Variants in KLC4 observed in about 807,000 individuals in gnomAD.
The protein encoded by KLC4 is kinesin light chain 4.
A neutral mutation model predicts 77.2 loss-of-function variants in KLC4; 49 were observed. The ratio of observed to expected loss-of-function variants is 0.63; its 90% CI spans 0.50 to 0.80. KLC4 has a LOEUF of 0.80. Ranked by LOEUF, KLC4 falls within the 30% of genes least tolerant of loss-of-function variation. The probability of loss-of-function intolerance (pLI) is 0.00; values close to 1 mark genes in which losing one functional copy is unlikely to be tolerated. For missense variants in KLC4, 669 were observed against 793.5 expected (o/e 0.84, Z 1.89); for synonymous variants, 274 against 314.5 (o/e 0.87, Z 1.36).
At chr6:43,067,375 A>T (rs890247585) in intron 6 of KLC4, 2 of 472,284 alleles carry the variant, frequency 4.2e-6, no homozygotes, top group Non-Finnish European at 6.9e-6. Flanking sequence ...TACTCTAATA[A>T]ATATAAAAGA....
chr6:43,073,898 G>T lies in KLC4; in HGVS notation c.1746-4G>T. On this transcript the variant is annotated splice_region_variant and splice_polypyrimidine_tract_variant and intron_variant, in intron 14 of 15. Transcript: ENST00000347162. ...GGCCTCAATTCTTCCGTTTTCCATT[G>T]TAGCAGCAACATGAAGCGAGCAGCC... The T allele has an allele frequency of 1.2e-6, 2 of 1,614,080 alleles. No individual in the cohort carries two copies. The highest frequency in any genetic ancestry group is 1.7e-6 in the Non-Finnish European group (2 of 1,179,938).
chr6:43,073,373 G>T (rs377192744), intron 14 of KLC4, 35 bp downstream of exon 14: 4 of 1,475,294 alleles, frequency 2.7e-6, no homozygotes. Flanking sequence ...TAAAGTGGCC[G>T]GGTGCAGTGG....
In KLC4 at chr6:43,066,514, T is replaced by C. The variant is rs1399317763; in HGVS notation, c.780T>C (p.Ala260=). 14 of 1,612,644 alleles carry C rather than the reference T, an allele frequency of 8.7e-6. No homozygotes were observed. Among genetic ancestry groups the C allele is most frequent in the Non-Finnish European group, 1.2e-5 (14 of 1,179,220 alleles). Residue 260 remains alanine (A), a synonymous_variant, in exon 5 of 16, where the codon GCT becomes GCC. Transcript: ENST00000347162. ...PDVATMLNIL[A]LVYRDQNKYK... ...TCGCCACCATGCTCAACATCCTTGC[T>C]TTGGTGTATCGGTGAGGACTTCCCT...
intron 11 of KLC4, 46 bp downstream of exon 11, chr6:43,071,968 C>T: frequency 2.6e-6 from 4 of 1,557,620 alleles, no homozygotes; most frequent in Non-Finnish European, 3.5e-6. Flanking sequence ...TGCCCTCCAT[C>T]CAGTCCCTGC....
chr6:43,068,111 CAAAAAAAAAAAAAA>C (rs763158428), intron 6 of KLC4, among the ~76,000 whole-genome samples: 6 of 25,228 alleles, frequency 2.4e-4, no homozygotes, highest in Admixed American at 2.0e-3. Context: ...GACTCCGTCT[CAAAAAAAAAAAAAA>C]AAAAAAAAAA....
Position 43,072,971 on chromosome 6 carries a change from C to T in KLC4, c.1629+7C>T. On this transcript the variant is annotated splice_region_variant and intron_variant, in intron 13 of 15. Transcript: ENST00000347162. ...GGCTGTGGAGTGGTCCGGGGTAAGTCTGATCATTGCCTTTTCATCTCTCCT... is the reference window on the plus strand; with the variant it reads ...GGCTGTGGAGTGGTCCGGGGTAAGTTTGATCATTGCCTTTTCATCTCTCCT... 6.3e-7 allele frequency: 1 copy of T among 1,579,322 alleles called. No individual in the cohort carries two copies.
chr6:43,072,238 C>G lies in KLC4; in HGVS notation c.1471C>G (p.Leu491Val). Reference protein sequence around the residue: ...EAAETLEECALRSRRQGTDPI... With the variant: ...EAAETLEECAVRSRRQGTDPI... ...TGCTGAGACCCTGGAGGAATGTGCCCTGCGGTCCCGGAGACAGGTCAGAAG... is the reference window on the plus strand; with the variant it reads ...TGCTGAGACCCTGGAGGAATGTGCCGTGCGGTCCCGGAGACAGGTCAGAAG... The change falls in exon 12 of 16, where the codon CTG (leucine) becomes GTG (valine). Residue 491 changes from leucine to valine, a missense_variant. Transcript: ENST00000347162. The G allele has an allele frequency of 6.2e-7, 1 of 1,613,978 alleles. No homozygotes were observed. Among genetic ancestry groups the G allele is most frequent in the East Asian group, 2.2e-5 (1 of 44,880 alleles).
intron 4 of KLC4, 94 bp downstream of exon 4, chr6:43,065,795 G>A: frequency 1.2e-6 from 1 of 819,958 alleles, no homozygotes. Context: ...TCACCATCTA[G>A]AAATAGGTTC....
chr6:43,064,686 A>G (rs976344219), intron 3 of KLC4, among the ~76,000 whole-genome samples: 5 of 152,210 alleles, frequency 3.3e-5, no homozygotes, highest in Admixed American at 6.5e-5. Flanking sequence ...GGTGTCATTG[A>G]TAAGGCTTAC....
chr6:43,072,667 G>A (rs1193098020), intron 12 of KLC4, 157 bp from the exon 13 acceptor site: 3 of 668,884 alleles, frequency 4.5e-6, no homozygotes, highest in Non-Finnish European at 7.6e-6. Flanking sequence ...GCAATGCATT[G>A]CAAATAGAAA....
At chr6:43,070,983 G>A in intron 8 of KLC4, 118 bp downstream of exon 8, 1 of 939,878 alleles carries the variant, frequency 1.1e-6, no homozygotes, top group East Asian at 2.6e-5. Context: ...TCACAGTCTG[G>A]CACACTGCTC....
At position 43,063,231 on chromosome 6, in the gene KLC4, A is replaced by G. The variant is rs567669279; in HGVS notation, c.489+84A>G. 1,458 of 1,039,640 alleles carry G rather than the reference A, an allele frequency of 1.4e-3. 1 individual carries two copies. The highest frequency in any genetic ancestry group is 1.9e-3 in the Non-Finnish European group (1,316 of 700,182). The allele number at this position is 1,039,640 out of a possible 1,614,324, so 64.4% of individuals were successfully genotyped here. On this transcript the variant is annotated intron_variant, in intron 3 of 15. Coordinates refer to ENST00000347162, the MANE Select transcript of KLC4 (RefSeq NM_201521.3). ...TGGGGGCAATTGCCCCATCATCCTC[A>G]GGGTCCATCAGCTCTACCCAACCTG...
chr6:43,072,559 T>C (rs1765784773), intron 12 of KLC4, among the ~76,000 whole-genome samples: 1 of 152,120 alleles, frequency 6.6e-6, no homozygotes, highest in Admixed American at 6.5e-5. Context: ...GGGGAGAGCC[T>C]AAATCAAGAA....
intron 6 of KLC4, among the ~76,000 whole-genome samples, chr6:43,069,156 C>T (rs1765602221): frequency 6.6e-6 from 1 of 151,692 alleles, no homozygotes; most frequent in Non-Finnish European, 1.5e-5. Flanking sequence ...AAGAGAGAAA[C>T]AACCTTAAGT....
intron 2 of KLC4, 166 bp from the exon 3 acceptor site, chr6:43,062,751 G>T (rs1765225601): frequency 1.6e-6 from 1 of 608,332 alleles, no homozygotes; most frequent in Admixed American, 2.9e-5. Flanking sequence ...GAGGTAGTGG[G>T]AAATTGGATT....
intron 3 of KLC4, chr6:43,065,286 A>C (rs537809022): frequency 1.1e-4 from 22 of 197,906 alleles, no homozygotes; most frequent in Middle Eastern, 2.2e-3. Context: ...GTTGGTCAGG[A>C]TGGTCTTGAA....
Position 43,066,287 on chromosome 6 carries a change from A to G in KLC4, c.572-19A>G. On this transcript the variant is annotated intron_variant, in intron 4 of 15. Coordinates refer to ENST00000347162, the MANE Select transcript of KLC4 (RefSeq NM_201521.3). The stretch of plus-strand genomic sequence containing the variant: ...AGGGGAGAGGAAGAGTCCTTTGTTT[A>G]TGTTCTGTGATGGTTTAGTGTCCCG... 6.2e-7 allele frequency: 1 copy of G among 1,602,574 alleles called. No homozygotes were observed.
intron 3 of KLC4, among the ~76,000 whole-genome samples, chr6:43,064,539 CA>C (rs915533235): frequency 2.6e-5 from 4 of 151,960 alleles, no homozygotes; most frequent in African/African-American, 9.6e-5. Context: ...AAAAAACAAA[CA>C]AAAAAATAGA....
chr6:43,070,021 T>A (rs1163762735), intron 6 of KLC4, among the ~76,000 whole-genome samples: 1 of 150,880 alleles, frequency 6.6e-6, no homozygotes, highest in Non-Finnish European at 1.5e-5. Context: ...TTGGCAGAGC[T>A]GTCCCACACA....
Sources: gnomAD v4.1 joint callset for allele counts (sites outside exome capture counted in the v4.1 genomes callset) on GRCh38, gnomAD v4.1.1 for gene constraint, MANE v1.5 for transcripts, NCBI Gene and HGNC (gene_info 2026-07-23, HGNC 2026-07-21) for gene names.